The following EPAS1 variants were observed in gnomAD, a reference collection of about 807,000 sequenced individuals.
EPAS1 encodes the protein endothelial PAS domain-containing protein 1.
EPAS1 carries 23 observed loss-of-function variants against 87.9 expected under a neutral mutation model. The ratio of observed to expected loss-of-function variants is 0.26; its 90% confidence interval spans 0.19 to 0.37. The LOEUF (loss-of-function observed/expected upper bound fraction) is 0.37. EPAS1 is among the 10% of genes least tolerant of loss of function. The probability of loss-of-function intolerance (pLI) is 1.00; values close to 1 mark genes in which losing one functional copy is unlikely to be tolerated. For missense variants in EPAS1, 1,138 were observed against 1,120.7 expected, an observed-to-expected ratio of 1.02 and a Z score of -0.22; for synonymous variants, 508 against 444.3, an observed-to-expected ratio of 1.14 and a Z score of -1.80.
At position 46,297,561 on chromosome 2, in the gene EPAS1, C is replaced by CT. The variant is rs149642079; in HGVS notation, c.-341dup. On this transcript the variant is annotated 5_prime_UTR_variant, in exon 1 of 16. It introduces an in-frame stop codon into an upstream open reading frame of the 5' UTR. Transcript: ENST00000263734. ...CTTCCGACTCCCAGCATTCGAGCCA[C>CT]TTTTTTTTTTCTTTGAAAACTCAGA... 16,395 of 290,088 alleles carry CT rather than the reference C, an allele frequency of 0.057. 1,012 individuals carry two copies. The highest frequency in any genetic ancestry group is 0.22 in the African/African-American group (9,404 of 42,490). 18.0% of individuals were successfully genotyped at this position (290,088 alleles called of 1,614,324 possible). A position where few individuals can be genotyped will look rare whatever the true frequency, so the allele number is the denominator to read the frequency against.
intron 9 of EPAS1, among the ~76,000 whole-genome samples, chr2:46,377,410 G>C (rs975012781): frequency 6.6e-6 from 1 of 152,224 alleles, no homozygotes; most frequent in Non-Finnish European, 1.5e-5. Flanking sequence ...GTGGCTGCCG[G>C]AAGAGTGGTG....
At chr2:46,324,828 C>T (rs1683521908) in intron 1 of EPAS1, among the ~76,000 whole-genome samples, 1 of 152,140 alleles carries the variant, frequency 6.6e-6, no homozygotes, top group African/African-American at 2.4e-5. Context: ...TAGAGAAGTC[C>T]AGAAGTGGTT....
intron 1 of EPAS1, among the ~76,000 whole-genome samples, chr2:46,342,882 G>C (rs1201069692): frequency 3.3e-5 from 5 of 152,130 alleles, no homozygotes; most frequent in African/African-American, 1.2e-4. Flanking sequence ...CTGGCTGCCT[G>C]GTGCTTAAGT....
chr2:46,347,147 G>A lies in EPAS1; in HGVS notation c.217+84G>A. ...TATGCAGGGGACCCTTCTGCTGCCA[G>A]AGCTGGAAAGTCACCCCACTACAGA... On this transcript the variant is annotated intron_variant, in intron 2 of 15. Coordinates refer to ENST00000263734, the MANE Select transcript of EPAS1 (RefSeq NM_001430.5). This position sits in a 1 kb window ranked among gnomAD's most constrained non-coding sequence, Gnocchi z 4.2. The A allele has an allele frequency of 6.6e-7, 1 of 1,511,294 alleles. No individual in the cohort carries two copies. The highest frequency in any genetic ancestry group is 1.1e-5 in the South Asian group (1 of 88,794). 93.6% of individuals were successfully genotyped at this position (1,511,294 alleles called of 1,614,324 possible). A position where few individuals can be genotyped will look rare whatever the true frequency, so the allele number is the denominator to read the frequency against.
At chr2:46,345,761 T>C (rs189252144) in intron 1 of EPAS1, among the ~76,000 whole-genome samples, 1 of 152,338 alleles carries the variant, frequency 6.6e-6, no homozygotes, top group Admixed American at 6.5e-5. Flanking sequence ...GTATAATACA[T>C]TTCTGTGAAA....
rs138622780 is a variant in EPAS1 at position 46,376,695 on chromosome 2, C to T, written c.1191C>T (p.Pro397=). The change falls in exon 9 of 16, where the codon CCC becomes CCT. Residue 397 remains proline (P), a synonymous_variant. Coordinates refer to ENST00000263734, the MANE Select transcript of EPAS1 (RefSeq NM_001430.5). ...NFLFTKLKEE[P]EELAQLAPTP... ...TATTCACCAAGCTAAAGGAGGAGCC[C>T]GAGGAGCTGGCCCAGCTGGCTCCCA... The T allele has an allele frequency of 2.1e-4, 343 of 1,613,584 alleles. No homozygotes were observed. In the African/African-American group the frequency reaches 3.8e-3, roughly 18 times the overall value.
intron 1 of EPAS1, among the ~76,000 whole-genome samples, chr2:46,299,883 A>T (rs947115577): frequency 3.3e-5 from 5 of 152,242 alleles, no homozygotes; most frequent in Admixed American, 2.0e-4. Flanking sequence ...ACTCCCAATT[A>T]TTGGCGAGAG....
chr2:46,305,569 G>A (rs1683094326), intron 1 of EPAS1, among the ~76,000 whole-genome samples: 1 of 152,164 alleles, frequency 6.6e-6, no homozygotes, highest in South Asian at 2.1e-4. Flanking sequence ...AAATATTTCA[G>A]AAAGGGTGTC....
Position 46,347,460 on chromosome 2 carries a change from CA to C in EPAS1, c.217+398del, listed in dbSNP as rs1684055085. ...TTAACTTCCAGTGCCTTCTCCAGAACAGCAAGAAGGTGTGCCCGGATGATCT... is the reference window on the plus strand; with the variant it reads ...TTAACTTCCAGTGCCTTCTCCAGAACGCAAGAAGGTGTGCCCGGATGATCT... On this transcript the variant is annotated intron_variant, in intron 2 of 15. Coordinates refer to ENST00000263734, the MANE Select transcript of EPAS1 (RefSeq NM_001430.5). This position sits in a 1 kb window ranked among gnomAD's most constrained non-coding sequence, Gnocchi z 4.2. 9.9e-6 allele frequency: 3 copies of C among 304,056 alleles called. No homozygotes were observed. In the Admixed American group the frequency reaches 1.3e-4, roughly 13 times the overall value. The allele number at this position is 304,056 out of a possible 1,614,324, so 18.8% of individuals were successfully genotyped here. A position where few individuals can be genotyped will look rare whatever the true frequency, so the allele number is the denominator to read the frequency against.
chr2:46,362,636 G>A (rs1273752592), intron 6 of EPAS1, among the ~76,000 whole-genome samples: 1 of 152,148 alleles, frequency 6.6e-6, no homozygotes, highest in Non-Finnish European at 1.5e-5. Context: ...AGGGCATCTG[G>A]TTTCTTCATG....
At position 46,375,932 on chromosome 2, in the gene EPAS1, C is replaced by T. The variant is rs1207566209; in HGVS notation, c.1034+95C>T. The T allele has an allele frequency of 6.5e-7, 1 of 1,548,738 alleles. No homozygotes were observed. Among genetic ancestry groups the T allele is most frequent in the Non-Finnish European group, 8.9e-7 (1 of 1,124,210 alleles). ...ATGACAGGCCTAGGAGATGCCAGGC[C>T]TCTCAGCGCCCTGGGCACCACCTCA... On this transcript the variant is annotated intron_variant, in intron 8 of 15. Transcript: ENST00000263734. The surrounding 1 kb of genome is among the most constrained non-coding windows in gnomAD (Gnocchi z 4.1).
rs746983042 is a variant in EPAS1, at chr2:46,375,001, GCT to G, written c.887-686_887-685del. 3.2e-4 allele frequency among the ~76,000 whole-genome samples: 48 copies of G among 152,092 alleles called. No individual in the cohort carries two copies. Among genetic ancestry groups the G allele is most frequent in the Non-Finnish European group, 5.7e-4 (39 of 68,012 alleles). On this transcript the variant is annotated intron_variant, in intron 7 of 15. Transcript: ENST00000263734. This position sits in a 1 kb window ranked among gnomAD's most constrained non-coding sequence, Gnocchi z 4.1. ...CTGTGTGTGGGCTGCCAGGGTCCCA[GCT>G]CTTTCTCAGCCCCAACTGAGAAAGG...
Position 46,380,787 on chromosome 2 carries a change from C to T in EPAS1, c.2045+70C>T. 1.9e-6 allele frequency: 3 copies of T among 1,597,754 alleles called. No individual in the cohort carries two copies. The highest frequency in any genetic ancestry group is 1.3e-5 in the African/African-American group (1 of 74,948). On this transcript the variant is annotated intron_variant, in intron 12 of 15. Coordinates refer to ENST00000263734, the MANE Select transcript of EPAS1 (RefSeq NM_001430.5). This position sits in a 1 kb window ranked among gnomAD's most constrained non-coding sequence, Gnocchi z 4.4. Reference sequence around the variant, plus strand: ...GGCACCCACTAGTAAGATAGCTGGACCCCCAGGGAGGCCCCTGCCCCTCTC... The same window carrying T: ...GGCACCCACTAGTAAGATAGCTGGATCCCCAGGGAGGCCCCTGCCCCTCTC...
chr2:46,321,389 A>G (rs955832824), intron 1 of EPAS1, among the ~76,000 whole-genome samples: 4 of 152,276 alleles, frequency 2.6e-5, no homozygotes, highest in Middle Eastern at 3.4e-3. Flanking sequence ...TAGACCTAGA[A>G]GTGGAATTTC....
rs2103617325 is a variant in EPAS1 at position 46,347,977 on chromosome 2, T to C, written c.217+914T>C. ...AGGCACTCAGGGAGGGAAGGTTCTT[T>C]TGTGGTTGTTTTTCAGTTTTCCGGA... On this transcript the variant is annotated intron_variant, in intron 2 of 15. Transcript: ENST00000263734. The surrounding 1 kb of genome is among the most constrained non-coding windows in gnomAD (Gnocchi z 4.2). 6.6e-6 allele frequency among the ~76,000 whole-genome samples: 1 copy of C among 152,160 alleles called. No individual in the cohort carries two copies. The highest frequency in any genetic ancestry group is 2.1e-4 in the South Asian group (1 of 4,808).
At chr2:46,366,884 C>T (rs1684514291) in intron 6 of EPAS1, among the ~76,000 whole-genome samples, 1 of 152,260 alleles carries the variant, frequency 6.6e-6, no homozygotes, top group African/African-American at 2.4e-5. Flanking sequence ...ATTAACCTCC[C>T]CACTGGCGTC....
At chr2:46,354,312 A>T (rs1572634710) in intron 2 of EPAS1, among the ~76,000 whole-genome samples, 1 of 152,312 alleles carries the variant, frequency 6.6e-6, no homozygotes, top group East Asian at 1.9e-4. Context: ...TAATGTTTGC[A>T]ACTGACATAT....
At chr2:46,369,348 T>C (rs912938825) in intron 6 of EPAS1, among the ~76,000 whole-genome samples, 1 of 152,212 alleles carries the variant, frequency 6.6e-6, no homozygotes, top group Non-Finnish European at 1.5e-5. Flanking sequence ...ATAATTTTCA[T>C]GTTTCATTTA....
chr2:46,330,079 G>T (rs1242975436), intron 1 of EPAS1, among the ~76,000 whole-genome samples: 3 of 152,144 alleles, frequency 2.0e-5, no homozygotes, highest in Non-Finnish European at 2.9e-5. Flanking sequence ...CATGTTTGTT[G>T]TAACAGGCAG....
Sources: allele counts gnomAD v4.1 joint callset (sites outside exome capture counted in the v4.1 genomes callset), GRCh38; gene constraint gnomAD v4.1.1; non-coding constraint Gnocchi (gnomAD v3.1); transcripts MANE v1.5; gene names NCBI Gene and HGNC (gene_info 2026-07-23, HGNC 2026-07-21).